Variants in GALNT7 observed in about 807,000 individuals in gnomAD.
The protein encoded by GALNT7 is polypeptide N-acetylgalactosaminyltransferase 7, also known as N-acetylgalactosaminyltransferase 7.
A neutral mutation model predicts 82.1 loss-of-function variants in GALNT7; 60 were observed. The observed-to-expected ratio is 0.73, with a 90% CI of 0.59 to 0.91. The LOEUF (loss-of-function observed/expected upper bound fraction) is 0.91. GALNT7 is among the 40% of genes least tolerant of loss of function. The pLI is 0.00. For synonymous variants in GALNT7, 243 were observed against 275.1 expected (o/e 0.88, Z 1.15); for missense variants, 660 against 804.2 (o/e 0.82, Z 2.17).
At chr4:173,257,179 T>A (rs1272636877) in intron 2 of GALNT7, among the ~76,000 whole-genome samples, 1 of 152,246 alleles carries the variant, frequency 6.6e-6, no homozygotes, top group East Asian at 1.9e-4. Context: ...CCTCTCATTC[T>A]GAGTTTAAAA....
chr4:173,311,220 A>G (rs1237095819), intron 8 of GALNT7, among the ~76,000 whole-genome samples: 1 of 152,216 alleles, frequency 6.6e-6, no homozygotes, highest in Non-Finnish European at 1.5e-5. Context: ...TGTCCATCTG[A>G]GAAAACTAAT....
At chr4:173,304,146 C>G in intron 8 of GALNT7, 28 bp downstream of exon 8, 1 of 1,601,276 alleles carries the variant, frequency 6.2e-7, no homozygotes, top group Non-Finnish European at 8.5e-7. Flanking sequence ...AAGGGGAGGA[C>G]AGGGAACTAA....
chr4:173,180,674 C>G (rs1288667733), intron 1 of GALNT7, among the ~76,000 whole-genome samples: 1 of 152,174 alleles, frequency 6.6e-6, no homozygotes, highest in Admixed American at 6.5e-5. Context: ...CAAAGGTATA[C>G]TTTGCATAGC....
At chr4:173,224,436 C>G (rs1019976460) in intron 1 of GALNT7, among the ~76,000 whole-genome samples, 5 of 152,150 alleles carry the variant, frequency 3.3e-5, no homozygotes, top group Non-Finnish European at 5.9e-5. Flanking sequence ...ATAAATCAAG[C>G]TCTAAGTGTT....
At chr4:173,269,343 C>T (rs1222678488) in intron 2 of GALNT7, among the ~76,000 whole-genome samples, 1 of 152,112 alleles carries the variant, frequency 6.6e-6, no homozygotes, top group African/African-American at 2.4e-5. Context: ...CTCCTTCCCA[C>T]CCCTCCCCAC....
intron 2 of GALNT7, among the ~76,000 whole-genome samples, chr4:173,265,799 G>A (rs749358542): frequency 4.6e-5 from 7 of 151,336 alleles, no homozygotes; most frequent in Non-Finnish European, 7.4e-5. Context: ...TGAGTCTAGC[G>A]CTTTGCTTTC....
In GALNT7 at chr4:173,221,816, T is replaced by C. The variant is rs77764339; in HGVS notation, c.127-26164T>C. 5.0e-3 allele frequency among the ~76,000 whole-genome samples: 768 copies of C among 152,344 alleles called. 6 individuals carry two copies. The highest frequency in any genetic ancestry group is 0.018 in the African/African-American group (729 of 41,580). ...CTAGACTTTATTACATAAACAAAGA[T>C]TTAAATTAATTACAGTTACTTCAAT... On this transcript the variant is annotated intron_variant, in intron 1 of 11. Coordinates refer to ENST00000265000, the MANE Select transcript of GALNT7 (RefSeq NM_017423.3).
At chr4:173,299,907 G>T (rs1057402838) in intron 6 of GALNT7, among the ~76,000 whole-genome samples, 1 of 151,902 alleles carries the variant, frequency 6.6e-6, no homozygotes, top group African/African-American at 2.4e-5. Flanking sequence ...TTAAATAAAG[G>T]TGACATGAAA....
chr4:173,184,447 A>C (rs1349226206), intron 1 of GALNT7, among the ~76,000 whole-genome samples: 1 of 151,792 alleles, frequency 6.6e-6, no homozygotes, highest in Non-Finnish European at 1.5e-5. Flanking sequence ...GAAATATGAA[A>C]ACCAGTCAGG....
At chr4:173,295,984 C>G in intron 5 of GALNT7, 141 bp downstream of exon 5, 1 of 650,118 alleles carries the variant, frequency 1.5e-6, no homozygotes, top group South Asian at 1.8e-5. Context: ...TATTTGTTTC[C>G]TTGGGTGGAG....
At chr4:173,250,918 T>C (rs566002926) in intron 2 of GALNT7, among the ~76,000 whole-genome samples, 1 of 152,314 alleles carries the variant, frequency 6.6e-6, no homozygotes, top group South Asian at 2.1e-4. Context: ...CCTTTAGGCC[T>C]CTCTTGCACT....
chr4:173,297,238 CT>C (rs892004841), intron 5 of GALNT7, among the ~76,000 whole-genome samples: 51 of 144,756 alleles, frequency 3.5e-4, no homozygotes, highest in Middle Eastern at 3.5e-3. Flanking sequence ...GCAACAATAC[CT>C]TTTTTTTTTG....
At chr4:173,176,081 AAAATT>A (rs1732031347) in intron 1 of GALNT7, among the ~76,000 whole-genome samples, 1 of 152,192 alleles carries the variant, frequency 6.6e-6, no homozygotes, top group Non-Finnish European at 1.5e-5. Context: ...TCAAAAAAAA[AAAATT>A]AAAAACAAAA....
intron 1 of GALNT7, among the ~76,000 whole-genome samples, chr4:173,211,381 A>G (rs1733280691): frequency 6.6e-6 from 1 of 152,234 alleles, no homozygotes; most frequent in Non-Finnish European, 1.5e-5. Flanking sequence ...AAAAACCACT[A>G]AGATGATCCA....
intron 1 of GALNT7, among the ~76,000 whole-genome samples, chr4:173,174,806 G>A (rs1005267695): frequency 1.3e-5 from 2 of 152,236 alleles, no homozygotes; most frequent in Non-Finnish European, 2.9e-5. Flanking sequence ...GGTGGAGAAG[G>A]CTTAAAATGG....
chr4:173,257,910 T>C (rs1333418995), intron 2 of GALNT7, among the ~76,000 whole-genome samples: 1 of 152,234 alleles, frequency 6.6e-6, no homozygotes, highest in Non-Finnish European at 1.5e-5. Context: ...TAGAAGGATG[T>C]ACTTCAACTT....
At chr4:173,250,015 G>T (rs887613961) in intron 2 of GALNT7, among the ~76,000 whole-genome samples, 5 of 152,150 alleles carry the variant, frequency 3.3e-5, no homozygotes, top group Non-Finnish European at 7.4e-5. Context: ...TCTGCTGCAG[G>T]CTGGGACTTA....
intron 1 of GALNT7, among the ~76,000 whole-genome samples, chr4:173,202,288 T>C (rs1732965708): frequency 6.6e-6 from 1 of 152,216 alleles, no homozygotes; most frequent in Admixed American, 6.5e-5. Flanking sequence ...GAAAATTCTC[T>C]GAAAGAGAAG....
chr4:173,297,541 C>T (rs955089844), intron 5 of GALNT7, among the ~76,000 whole-genome samples: 10 of 152,186 alleles, frequency 6.6e-5, no homozygotes, highest in African/African-American at 2.2e-4. Context: ...AAGGAGAAAA[C>T]TCTATTAAGC....
Sources: allele counts gnomAD v4.1 joint callset (sites outside exome capture counted in the v4.1 genomes callset), GRCh38; gene constraint gnomAD v4.1.1; transcripts MANE v1.5; gene names NCBI Gene and HGNC (gene_info 2026-07-23, HGNC 2026-07-21).